Variants in HYDIN observed in about 807,000 individuals in gnomAD.
HYDIN encodes the protein HYDIN axonemal central pair apparatus protein, also known as axonemal central pair apparatus protein HYDIN.
A neutral mutation model predicts 403.9 loss-of-function variants in HYDIN; 132 were observed. That is an observed-to-expected ratio of 0.33 (90% CI 0.28 to 0.38). The LOEUF is 0.38. Ranked by LOEUF, HYDIN falls within the 10% of genes least tolerant of loss-of-function variation. The pLI is 1.00. For missense variants in HYDIN, 2,827 were observed against 5,009.5 expected, an observed-to-expected ratio of 0.56 and a Z score of 13.15; for synonymous variants, 1,202 against 1,891.7, an observed-to-expected ratio of 0.64 and a Z score of 9.46.
intron 1 of HYDIN, among the ~76,000 whole-genome samples, chr16:71,212,196 G>A (rs972205651): frequency 8.5e-5 from 13 of 152,230 alleles, no homozygotes; most frequent in African/African-American, 3.1e-4. Context: ...AGATAATACT[G>A]TTTCCATTTT....
At chr16:70,912,067 G>A (rs1215857114) in intron 47 of HYDIN, among the ~76,000 whole-genome samples, 4 of 151,646 alleles carry the variant, frequency 2.6e-5, no homozygotes, top group Non-Finnish European at 5.9e-5. Context: ...GTGAGAGTCT[G>A]ACTTCCTCTT....
chr16:70,904,588 C>T (rs1460332023), intron 50 of HYDIN, among the ~76,000 whole-genome samples: 3 of 99,102 alleles, frequency 3.0e-5, no homozygotes, highest in Non-Finnish European at 5.9e-5. Context: ...GCAACCTCCA[C>T]CTCCTGGGTT....
At chr16:70,821,204 G>A (rs1291751223) in intron 83 of HYDIN, among the ~76,000 whole-genome samples, 3 of 152,266 alleles carry the variant, frequency 2.0e-5, no homozygotes, top group African/African-American at 7.2e-5. Flanking sequence ...GTTATAAACT[G>A]TCAGTAATCT....
At chr16:70,809,466 C>A (rs111706161) in intron 85 of HYDIN, among the ~76,000 whole-genome samples, 24 of 152,288 alleles carry the variant, frequency 1.6e-4, no homozygotes, top group African/African-American at 5.8e-4. Flanking sequence ...ATTCCACAGC[C>A]GATACCATGA....
chr16:71,204,972 G>C (rs1334761716), intron 1 of HYDIN, among the ~76,000 whole-genome samples: 1 of 152,204 alleles, frequency 6.6e-6, no homozygotes, highest in African/African-American at 2.4e-5. Context: ...TGTCAAGATA[G>C]TAAATGATTA....
At chr16:71,118,066 C>A (rs571934310) in intron 9 of HYDIN, among the ~76,000 whole-genome samples, 39 of 152,244 alleles carry the variant, frequency 2.6e-4, no homozygotes, top group African/African-American at 9.2e-4. Flanking sequence ...TCAAGTACTT[C>A]TTCCTCTGTG....
At chr16:70,917,411 G>A (rs2076874119) in intron 47 of HYDIN, among the ~76,000 whole-genome samples, 1 of 152,134 alleles carries the variant, frequency 6.6e-6, no homozygotes, top group Non-Finnish European at 1.5e-5. Context: ...ATGTAAGCAG[G>A]ACTTATAGGT....
chr16:71,156,613 A>G (rs1373804356), intron 6 of HYDIN, among the ~76,000 whole-genome samples: 2 of 152,172 alleles, frequency 1.3e-5, no homozygotes, highest in South Asian at 2.1e-4. Context: ...GAAAGATTTG[A>G]GTTTTTGTTC....
At chr16:70,832,036 C>CTTAG (rs2037038518) in intron 80 of HYDIN, among the ~76,000 whole-genome samples, 1 of 125,086 alleles carries the variant, frequency 8.0e-6, no homozygotes, top group Non-Finnish European at 1.7e-5. Flanking sequence ...TGAACAGACA[C>CTTAG]TTTAACTAAG....
intron 25 of HYDIN, among the ~76,000 whole-genome samples, chr16:70,990,867 C>T (rs1011906332): frequency 1.1e-4 from 17 of 152,242 alleles, no homozygotes; most frequent in Non-Finnish European, 2.4e-4. Context: ...GAAAATCCCA[C>T]TCAACACTAT....
chr16:70,969,590 A>C (rs1597439827), intron 36 of HYDIN, among the ~76,000 whole-genome samples: 1 of 151,964 alleles, frequency 6.6e-6, no homozygotes, highest in East Asian at 1.9e-4. Context: ...AAAACTAAGA[A>C]ATTTCTATCA....
intron 11 of HYDIN, chr16:71,090,426 A>C (rs964919709): frequency 3.4e-4 from 51 of 151,938 alleles, no homozygotes; most frequent in African/African-American, 1.2e-3. Context: ...TTATTAATTT[A>C]TGTAATTTTT....
chr16:70,878,964 C>T (rs569221130), intron 62 of HYDIN, among the ~76,000 whole-genome samples: 1 of 146,522 alleles, frequency 6.8e-6, no homozygotes, highest in East Asian at 1.9e-4. Context: ...TCATCTTATC[C>T]TCATTGCAAA....
At chr16:71,223,829 G>C (rs1172971373) in intron 1 of HYDIN, among the ~76,000 whole-genome samples, 2 of 152,136 alleles carry the variant, frequency 1.3e-5, no homozygotes, top group Admixed American at 6.5e-5. Flanking sequence ...AAAAACAATA[G>C]ATGTTGGTTG....
intron 41 of HYDIN, among the ~76,000 whole-genome samples, chr16:70,946,724 G>A (rs2077875003): frequency 6.6e-6 from 1 of 152,196 alleles, no homozygotes; most frequent in Non-Finnish European, 1.5e-5. Context: ...CTGTGGGAAA[G>A]CAGGATTGTG....
chr16:70,855,503 G>C (rs2038963837), intron 72 of HYDIN, among the ~76,000 whole-genome samples: 2 of 152,246 alleles, frequency 1.3e-5, no homozygotes, highest in Admixed American at 1.3e-4. Flanking sequence ...CTCTGCCCTG[G>C]CCACAGCTCT....
intron 6 of HYDIN, among the ~76,000 whole-genome samples, chr16:71,158,679 G>GTTT (rs10615981): frequency 8.5e-5 from 10 of 117,284 alleles, no homozygotes; most frequent in East Asian, 2.4e-4. Flanking sequence ...GAAAAAGATG[G>GTTT]TTTTTTTTTT....
chr16:70,901,126 A>G lies in HYDIN; in HGVS notation c.8926T>C (p.Leu2976=). Residue 2976 remains leucine, a synonymous_variant, in exon 53 of 86, where the codon TTG becomes CTG. Coordinates refer to ENST00000393567, the MANE Select transcript of HYDIN (RefSeq NM_001270974.2). ...AGGGATACAGTGAAATCATCACCCA[A>G]GTGCTCCAGGCTGGTGATCCGCCAG... The part of the protein sequence containing the change: ...VAWRITSLEH[L]GDDFTVSLMQ... The G allele has an allele frequency of 1.1e-6, 1 of 885,160 alleles. No homozygotes were observed. Among genetic ancestry groups the G allele is most frequent in the South Asian group, 1.5e-5 (1 of 68,420 alleles). The allele number at this position is 885,160 out of a possible 1,614,324, so 54.8% of individuals were successfully genotyped here.
At chr16:71,223,589 T>C (rs150132762) in intron 1 of HYDIN, among the ~76,000 whole-genome samples, 1 of 150,390 alleles carries the variant, frequency 6.6e-6, no homozygotes, top group Non-Finnish European at 1.5e-5. Flanking sequence ...AACAAAGGAC[T>C]AGCATCCGGA....
Sources: gnomAD v4.1 joint callset for allele counts (sites outside exome capture counted in the v4.1 genomes callset) on GRCh38, gnomAD v4.1.1 for gene constraint, MANE v1.5 for transcripts, NCBI Gene and HGNC (gene_info 2026-07-23, HGNC 2026-07-21) for gene names.